LRRC8D: variants seen among roughly 807,000 people sequenced by gnomAD.
LRRC8D encodes volume-regulated anion channel subunit LRRC8D.
LRRC8D carries 20 observed loss-of-function variants against 55.8 expected under a neutral mutation model. The ratio of observed to expected loss-of-function variants is 0.36; its 90% confidence interval spans 0.25 to 0.52. LRRC8D has a LOEUF of 0.52. LRRC8D is among the 20% of genes least tolerant of loss of function. The pLI is 0.93. For synonymous variants in LRRC8D, 352 were observed against 377.0 expected, an observed-to-expected ratio of 0.93 and a Z score of 0.77; for missense variants, 651 against 1,030.8, an observed-to-expected ratio of 0.63 and a Z score of 5.05.
intron 1 of LRRC8D, among the ~76,000 whole-genome samples, 187 bp downstream of exon 1, chr1:89,821,478 C>T (rs1660630251): frequency 6.6e-6 from 1 of 152,128 alleles, no homozygotes; most frequent in East Asian, 1.9e-4. Flanking sequence ...GAGTGGGCTC[C>T]CGTTTGCTGC....
intron 2 of LRRC8D, among the ~76,000 whole-genome samples, chr1:89,914,779 T>C (rs376482380): frequency 1.4e-4 from 21 of 152,044 alleles, no homozygotes; most frequent in Middle Eastern, 3.4e-3. Flanking sequence ...GGTCTTACTA[T>C]GTTCCCAGGC....
At chr1:89,903,891 T>A (rs760731810) in intron 2 of LRRC8D, among the ~76,000 whole-genome samples, 1 of 152,218 alleles carries the variant, frequency 6.6e-6, no homozygotes, top group African/African-American at 2.4e-5. Flanking sequence ...ATTTTTGAGA[T>A]CCTCTTAATA....
Position 89,843,622 on chromosome 1 carries a change from CTG to C in LRRC8D, c.-147-12_-147-11del. ...GGATCTCTCTAGCTCTTTCTCTCCCCTGTGTTTTCAAACAGGAAGTGCACGGC... is the reference window on the plus strand; with the variant it reads ...GGATCTCTCTAGCTCTTTCTCTCCCCTGTTTTCAAACAGGAAGTGCACGGC... On this transcript the variant is annotated splice_polypyrimidine_tract_variant and intron_variant, in intron 1 of 2. Transcript: ENST00000337338. The C allele has an allele frequency of 1.4e-6, 1 of 702,354 alleles. No individual in the cohort carries two copies. Among genetic ancestry groups the C allele is most frequent in the South Asian group, 1.5e-5 (1 of 67,578 alleles). The allele number at this position is 702,354 out of a possible 1,614,324, so 43.5% of individuals were successfully genotyped here.
At position 89,933,657 on chromosome 1, in the gene LRRC8D, G is replaced by A; in HGVS notation, c.589G>A (p.Val197Ile). Residue 197 changes from valine (V) to isoleucine (I), a missense_variant, in exon 3 of 3, where the codon GTT (valine) becomes ATT (isoleucine). This residue lies in a region of LRRC8D where 178 missense variants were observed against 374.9 expected (regional missense o/e 0.47). Transcript: ENST00000337338. The surrounding 1 kb of genome is among the most constrained non-coding windows in gnomAD (Gnocchi z 7.0). ...PKTCSKVEHFVSILGKCFESP... is the reference protein window; with the variant it reads ...PKTCSKVEHFISILGKCFESP... The stretch of plus-strand genomic sequence containing the variant: ...AACATGCTCAAAAGTAGAACATTTT[G>A]TTTCAATATTAGGAAAGTGCTTTGA... 2 of 1,614,080 alleles carry A rather than the reference G, an allele frequency of 1.2e-6. No individual in the cohort carries two copies. The highest frequency in any genetic ancestry group is 1.7e-6 in the Non-Finnish European group (2 of 1,180,010).
chr1:89,888,634 T>A (rs973227653), intron 2 of LRRC8D, among the ~76,000 whole-genome samples: 2 of 152,110 alleles, frequency 1.3e-5, no homozygotes, highest in Non-Finnish European at 2.9e-5. Flanking sequence ...AGCCACCAGG[T>A]CTCCTGGCCG....
At position 89,864,413 on chromosome 1, in the gene LRRC8D, A is replaced by G. The variant is rs542195370; in HGVS notation, c.-3+20631A>G. On this transcript the variant is annotated intron_variant, in intron 2 of 2. Coordinates refer to ENST00000337338, the MANE Select transcript of LRRC8D (RefSeq NM_001134479.2). ...CTTCCTTCATCTGATGAAAGACACC[A>G]CTATCCACCAGTTACCATTTGAACA... is the stretch of plus-strand genomic sequence containing the variant. 2.6e-5 allele frequency among the ~76,000 whole-genome samples: 4 copies of G among 152,288 alleles called. 1 individual carries two copies. In the Middle Eastern group the frequency reaches 0.01, roughly 388 times the overall value.
intron 2 of LRRC8D, among the ~76,000 whole-genome samples, chr1:89,918,570 T>C (rs192699480): frequency 6.6e-5 from 10 of 152,366 alleles, no homozygotes; most frequent in Non-Finnish European, 1.5e-4. Flanking sequence ...TGTGCTAAAA[T>C]GGTGTTTGTT....
At chr1:89,912,826 T>A (rs1663169072) in intron 2 of LRRC8D, among the ~76,000 whole-genome samples, 1 of 152,258 alleles carries the variant, frequency 6.6e-6, no homozygotes, top group African/African-American at 2.4e-5. Flanking sequence ...CTTGTATTTA[T>A]AAACAAGGAT....
chr1:89,821,039 C>A lies in LRRC8D; in HGVS notation c.-400C>A. On this transcript the variant is annotated 5_prime_UTR_variant, in exon 1 of 3. Transcript: ENST00000337338. ...CCATGTTACGCTTTGTCTAATTCCCCTCGTTACAGAGTCATGTGCTGCTGC... is the reference window on the plus strand; with the variant it reads ...CCATGTTACGCTTTGTCTAATTCCCATCGTTACAGAGTCATGTGCTGCTGC... 6.6e-6 allele frequency: 1 copy of A among 151,660 alleles called. No individual in the cohort carries two copies. Among genetic ancestry groups the A allele is most frequent in the South Asian group, 1.8e-4 (1 of 5,486 alleles). 9.4% of individuals were successfully genotyped at this position (151,660 alleles called of 1,614,324 possible).
At chr1:89,926,009 T>C (rs2100984449) in intron 2 of LRRC8D, among the ~76,000 whole-genome samples, 3 of 152,376 alleles carry the variant, frequency 2.0e-5, no homozygotes, top group East Asian at 3.9e-4. Context: ...TTGTAGTTTC[T>C]CTAACGCATC....
At chr1:89,826,397 T>C (rs1660763321) in intron 1 of LRRC8D, among the ~76,000 whole-genome samples, 1 of 151,876 alleles carries the variant, frequency 6.6e-6, no homozygotes, top group Non-Finnish European at 1.5e-5. Context: ...CCCGAGTAGC[T>C]GGGACTACAG....
At chr1:89,920,682 AC>A (rs1342788779) in intron 2 of LRRC8D, among the ~76,000 whole-genome samples, 1 of 150,772 alleles carries the variant, frequency 6.6e-6, no homozygotes, top group Non-Finnish European at 1.5e-5. Flanking sequence ...ATACAGTAAT[AC>A]AGAGGCCTAT....
intron 1 of LRRC8D, among the ~76,000 whole-genome samples, chr1:89,828,336 A>C (rs1439674160): frequency 2.6e-5 from 4 of 152,238 alleles, no homozygotes; most frequent in Non-Finnish European, 5.9e-5. Flanking sequence ...AGTCATTTCC[A>C]GAGTGGGTCC....
chr1:89,924,531 A>C (rs1165365227), intron 2 of LRRC8D, among the ~76,000 whole-genome samples: 1 of 152,238 alleles, frequency 6.6e-6, no homozygotes, highest in East Asian at 1.9e-4. Context: ...AAGTTAAAAC[A>C]GAACTATAAT....
chr1:89,891,340 C>T (rs773113185), intron 2 of LRRC8D, among the ~76,000 whole-genome samples: 3 of 152,120 alleles, frequency 2.0e-5, no homozygotes, highest in Non-Finnish European at 4.4e-5. Flanking sequence ...CTTCCAAGTT[C>T]GTCATATCAA....
chr1:89,860,797 T>A (rs1342485977), intron 2 of LRRC8D, among the ~76,000 whole-genome samples: 14 of 116,196 alleles, frequency 1.2e-4, no homozygotes, highest in Middle Eastern at 4.3e-3. Context: ...TATATATATA[T>A]ATATATATAT....
At position 89,929,824 on chromosome 1, in the gene LRRC8D, G is replaced by C. The variant is rs1315337488; in HGVS notation, c.-2-3243G>C. ...CTACTTCAGGAGTCCCCGGGCCCCA[G>C]GCTGCAGACTGGTACCTGTCGAGAG... On this transcript the variant is annotated intron_variant, in intron 2 of 2. Transcript: ENST00000337338. 2.0e-5 allele frequency: 3 copies of C among 152,354 alleles called. No individual in the cohort carries two copies. In the East Asian group the frequency reaches 5.8e-4, roughly 29 times the overall value. 9.4% of individuals were successfully genotyped at this position (152,354 alleles called of 1,614,324 possible). A position where few individuals can be genotyped will look rare whatever the true frequency, so the allele number is the denominator to read the frequency against.
At chr1:89,835,724 C>T (rs1341430879) in intron 1 of LRRC8D, among the ~76,000 whole-genome samples, 1 of 151,976 alleles carries the variant, frequency 6.6e-6, no homozygotes, top group African/African-American at 2.4e-5. Flanking sequence ...TATTTACCTC[C>T]TAGGGTTAGT....
chr1:89,934,995 C>T lies in LRRC8D; in HGVS notation c.1927C>T (p.Gln643Ter), dbSNP rs763215592. The T allele has an allele frequency of 1.2e-6, 2 of 1,614,134 alleles. No homozygotes were observed. Among genetic ancestry groups the T allele is most frequent in the Non-Finnish European group, 1.7e-6 (2 of 1,180,030 alleles). The stretch of plus-strand genomic sequence containing the variant: ...GATGAATGTCGCTGAGCTGGAACTC[C>T]AGAACTGTGAGCTAGAGAGAATCCC... Reference protein sequence around the residue: ...KMMNVAELELQNCELERIPHA... With the variant: ...KMMNVAELEL The change falls in exon 3 of 3, where the codon CAG (glutamine) becomes TAG (stop). Residue 643 changes from glutamine to a stop codon, truncating the protein, a stop_gained. Coordinates refer to ENST00000337338, the MANE Select transcript of LRRC8D (RefSeq NM_001134479.2). LOFTEE classifies it high-confidence loss of function. The surrounding 1 kb of genome is among the most constrained non-coding windows in gnomAD (Gnocchi z 5.9).
Sources: gnomAD v4.1 joint callset for allele counts (sites outside exome capture counted in the v4.1 genomes callset) on GRCh38, gnomAD v4.1.1 for gene constraint, gnomAD v4.1.1 regional missense constraint, Gnocchi (gnomAD v3.1) non-coding constraint, MANE v1.5 for transcripts, NCBI Gene and HGNC (gene_info 2026-07-23, HGNC 2026-07-21) for gene names.